The following CDH18 variants were observed in gnomAD, a reference collection of about 807,000 sequenced individuals.
The protein encoded by CDH18 is cadherin 18, also known as cadherin-18.
CDH18 carries 31 observed loss-of-function variants against 67.9 expected under a neutral mutation model. The observed-to-expected ratio is 0.46, with a 90% CI of 0.34 to 0.62. The LOEUF (loss-of-function observed/expected upper bound fraction) is 0.62. CDH18 is among the 20% of genes least tolerant of loss of function. The pLI is 0.01. For missense variants in CDH18, 890 were observed against 975.5 expected (o/e 0.91, Z 1.17); for synonymous variants, 362 against 347.2 (o/e 1.04, Z -0.48).
intron 2 of CDH18, among the ~76,000 whole-genome samples, chr5:20,142,785 C>G (rs1750345273): frequency 6.6e-6 from 1 of 152,110 alleles, no homozygotes; most frequent in Non-Finnish European, 1.5e-5. Context: ...GGAACAGACT[C>G]TTTTCCCCGG....
chr5:20,446,663 G>A (rs1750025435), intron 1 of CDH18, among the ~76,000 whole-genome samples: 1 of 152,108 alleles, frequency 6.6e-6, no homozygotes, highest in South Asian at 2.1e-4. Context: ...CTAATTCAAA[G>A]CACTTTATTT....
At chr5:20,029,302 T>G (rs578184613) in intron 2 of CDH18, among the ~76,000 whole-genome samples, 1 of 152,268 alleles carries the variant, frequency 6.6e-6, no homozygotes, top group South Asian at 2.1e-4. Context: ...AAGAGGTAGA[T>G]GCTTATAGTA....
chr5:20,023,412 G>C (rs1370899507), intron 2 of CDH18, among the ~76,000 whole-genome samples: 3 of 151,954 alleles, frequency 2.0e-5, no homozygotes, highest in African/African-American at 7.3e-5. Context: ...AAATAAGAAA[G>C]GTATTTATAG....
chr5:19,720,041 GCAAGTGACC>G (rs907145552), intron 5 of CDH18, among the ~76,000 whole-genome samples: 1 of 152,042 alleles, frequency 6.6e-6, no homozygotes, highest in African/African-American at 2.4e-5. Flanking sequence ...AAGAAAGAAG[GCAAGTGACC>G]CAATCAAATC....
rs1473204586 is a variant in CDH18, at chr5:19,897,659, A to T, written c.-256-58417T>A. ...AATTTTTACAATAATCCTAAACTGA[A>T]AAAAAGCCAAATGTTCATCATTTGA... On this transcript the variant is annotated intron_variant, in intron 2 of 12. Coordinates refer to ENST00000382275, the MANE Select transcript of CDH18 (RefSeq NM_004934.5). 2.0e-5 allele frequency among the ~76,000 whole-genome samples: 3 copies of T among 152,110 alleles called. No individual in the cohort carries two copies. In the East Asian group the frequency reaches 5.8e-4, roughly 29 times the overall value.
chr5:19,486,651 G>A (rs1325103283), intron 11 of CDH18, among the ~76,000 whole-genome samples: 1 of 152,068 alleles, frequency 6.6e-6, no homozygotes, highest in Non-Finnish European at 1.5e-5. Flanking sequence ...AAATTAGCTG[G>A]GTGTGGTGGC....
At chr5:20,204,807 T>A (rs940704061) in intron 2 of CDH18, among the ~76,000 whole-genome samples, 4 of 151,950 alleles carry the variant, frequency 2.6e-5, no homozygotes, top group Non-Finnish European at 4.4e-5. Flanking sequence ...GTTCTTCTCT[T>A]TGTTCCTATT....
In CDH18 at chr5:19,571,380, G is replaced by A. The variant is rs146320916; in HGVS notation, c.1253+199C>T. Among the ~76,000 whole-genome samples, 198 of 152,248 alleles carry A rather than the reference G, an allele frequency of 1.3e-3. 1 individual carries two copies. The highest frequency in any genetic ancestry group is 4.6e-3 in the African/African-American group (191 of 41,562). ...ATGTGGTCAATAAGACATTCATGGA[G>A]ATAGCAAAATATGTTCTTAATGTGA... On this transcript the variant is annotated intron_variant, in intron 8 of 12. Transcript: ENST00000382275.
At chr5:20,375,552 T>C (rs72745073) in intron 1 of CDH18, among the ~76,000 whole-genome samples, 22,974 of 152,184 alleles carry the variant, frequency 0.15, 2,145 homozygotes, top group East Asian at 0.28. Flanking sequence ...TTAATCTACA[T>C]ATGTGCATAA....
chr5:20,477,042 A>G (rs754031981), intron 1 of CDH18, among the ~76,000 whole-genome samples: 5 of 152,044 alleles, frequency 3.3e-5, no homozygotes, highest in Non-Finnish European at 7.4e-5. Context: ...TGCTATAGGT[A>G]TTTTTCTCTT....
intron 2 of CDH18, among the ~76,000 whole-genome samples, chr5:20,189,745 G>A (rs956210123): frequency 6.6e-6 from 1 of 152,090 alleles, no homozygotes; most frequent in African/African-American, 2.4e-5. Flanking sequence ...AACCAACCAT[G>A]TCCGGTGTTG....
chr5:20,342,347 C>A (rs1009923367), intron 1 of CDH18, among the ~76,000 whole-genome samples: 1 of 152,090 alleles, frequency 6.6e-6, no homozygotes, highest in Non-Finnish European at 1.5e-5. Flanking sequence ...CCTACCTGAC[C>A]CATGCTGCCA....
At chr5:19,913,708 A>G (rs1312029631) in intron 2 of CDH18, among the ~76,000 whole-genome samples, 2 of 152,158 alleles carry the variant, frequency 1.3e-5, no homozygotes, top group Non-Finnish European at 2.9e-5. Flanking sequence ...CTGAGCTAAG[A>G]TGGAGGGGAG....
At chr5:19,772,991 T>C (rs983555008) in intron 3 of CDH18, among the ~76,000 whole-genome samples, 27 of 152,188 alleles carry the variant, frequency 1.8e-4, no homozygotes, top group South Asian at 2.1e-4. Flanking sequence ...TGGTGAATTA[T>C]TGTGTGATAT....
At chr5:20,206,890 T>C (rs1487007608) in intron 2 of CDH18, among the ~76,000 whole-genome samples, 3 of 151,974 alleles carry the variant, frequency 2.0e-5, no homozygotes, top group African/African-American at 7.2e-5. Context: ...ACAACTAATA[T>C]CATACTGAAC....
intron 3 of CDH18, among the ~76,000 whole-genome samples, chr5:19,830,983 T>G (rs2149992465): frequency 6.6e-6 from 1 of 152,068 alleles, no homozygotes; most frequent in East Asian, 1.9e-4. Flanking sequence ...GTAGCTGAAC[T>G]TTGAGTACAT....
At chr5:20,136,566 T>C (rs965162626) in intron 2 of CDH18, among the ~76,000 whole-genome samples, 8 of 152,230 alleles carry the variant, frequency 5.3e-5, no homozygotes, top group Non-Finnish European at 1.2e-4. Flanking sequence ...TATCTTTTAA[T>C]TGGAGCATTT....
At chr5:20,044,266 T>C (rs1186165159) in intron 2 of CDH18, among the ~76,000 whole-genome samples, 1 of 152,170 alleles carries the variant, frequency 6.6e-6, no homozygotes, top group Admixed American at 6.5e-5. Context: ...AAGACATGAT[T>C]CATGTCCTTA....
chr5:19,984,317 T>C (rs372551406), intron 1 of CDH18, among the ~76,000 whole-genome samples: 7 of 152,028 alleles, frequency 4.6e-5, no homozygotes, highest in East Asian at 3.8e-4. Context: ...TGTTTAAGAG[T>C]AAATCTCAAG....
Sources: allele counts gnomAD v4.1 joint callset (sites outside exome capture counted in the v4.1 genomes callset), GRCh38; gene constraint gnomAD v4.1.1; transcripts MANE v1.5; gene names NCBI Gene and HGNC (gene_info 2026-07-23, HGNC 2026-07-21).